TRMT11: variants seen among roughly 807,000 people sequenced by gnomAD.
The protein encoded by TRMT11 is tRNA (guanine(10)-N(2))-methyltransferase TRMT11.
TRMT11 carries 53 observed loss-of-function variants against 62.8 expected under a neutral mutation model. That is an observed-to-expected ratio of 0.84 (90% CI 0.68 to 1.06). The LOEUF is 1.06. TRMT11 is among the 50% of genes least tolerant of loss of function. The pLI is 0.00. For missense variants in TRMT11, 556 were observed against 553.4 expected (o/e 1.00, Z -0.05); for synonymous variants, 188 against 190.3 (o/e 0.99, Z 0.10).
intron 21 of TRMT11, among the ~76,000 whole-genome samples, chr6:126,128,915 ATTTT>A (rs36071656): frequency 7.7e-6 from 1 of 130,464 alleles, no homozygotes. Context: ...TTGTTTTCTG[ATTTT>A]TTTTTTTTTT....
rs958898724 is a variant in TRMT11, at chr6:126,064,121, C to T, written c.*1437+10931C>T. On this transcript the variant is annotated intron_variant and NMD_transcript_variant, in intron 17 of 22. Coordinates refer to the TRMT11 transcript ENST00000648977. ...AGGAGAAGTTAGGAGAATGGTGGGT[C>T]GTGAGCACTGGGGGAGGGAGGGAGA... 4.7e-5 allele frequency among the ~76,000 whole-genome samples: 7 copies of T among 149,912 alleles called. No individual in the cohort carries two copies. The South Asian group carries it at 6.4e-4, about 14-fold the overall frequency.
intron 17 of TRMT11, among the ~76,000 whole-genome samples, chr6:126,065,953 C>T (rs17053763): frequency 0.029 from 4,370 of 152,216 alleles, 215 homozygotes; most frequent in African/African-American, 0.098. Context: ...TATAGAAAAC[C>T]GGAGCTCAAA....
chr6:126,072,720 G>A (rs559624708), intron 17 of TRMT11, among the ~76,000 whole-genome samples: 3 of 152,128 alleles, frequency 2.0e-5, no homozygotes, highest in Non-Finnish European at 4.4e-5. Context: ...AGCAGATCTG[G>A]TTTATGGTGA....
At chr6:126,234,163 T>A in the TRMT11 span, among the ~76,000 whole-genome samples, 2 of 152,184 alleles carry the variant, frequency 1.3e-5, no homozygotes, top group African/African-American at 4.8e-5. Flanking sequence ...CCTTTGTCTT[T>A]AATTCTGTCA....
chr6:126,037,338 A>G (rs1775381416), intron 12 of TRMT11, among the ~76,000 whole-genome samples: 1 of 152,096 alleles, frequency 6.6e-6, no homozygotes, highest in Admixed American at 6.6e-5. Context: ...TCGTACATAT[A>G]AAGCATTTAG....
rs116139573 is a variant in TRMT11 at position 126,079,623 on chromosome 6, C to T, written c.*1437+26433C>T. On this transcript the variant is annotated intron_variant and NMD_transcript_variant, in intron 17 of 22. Coordinates refer to the TRMT11 transcript ENST00000648977. ...AACTACCTATTGAGTACTGTGCTCA[C>T]GACCTGGGTGAAGGAATCATTTGTA... Among the ~76,000 whole-genome samples, 843 of 152,118 alleles carry T rather than the reference C, an allele frequency of 5.5e-3. 6 individuals carry two copies. Among genetic ancestry groups the T allele is most frequent in the African/African-American group, 0.019 (771 of 41,512 alleles).
At chr6:126,237,775 T>A in the TRMT11 span, among the ~76,000 whole-genome samples, 1 of 152,228 alleles carries the variant, frequency 6.6e-6, no homozygotes, top group Non-Finnish European at 1.5e-5. Context: ...GAAGATTATC[T>A]GCTCAAATAA....
At chr6:126,036,835 T>C (rs953608509) in intron 12 of TRMT11, among the ~76,000 whole-genome samples, 41 of 152,086 alleles carry the variant, frequency 2.7e-4, no homozygotes, top group Non-Finnish European at 5.4e-4. Flanking sequence ...TGGTGGAACA[T>C]TGTTCTGTGT....
chr6:126,188,384 T>G (rs1778550974), intron 1 of TRMT11, among the ~76,000 whole-genome samples: 1 of 151,982 alleles, frequency 6.6e-6, no homozygotes, highest in Admixed American at 6.6e-5. Context: ...TAAAAATGGA[T>G]TCAACATCAT....
chr6:126,066,887 C>T (rs908372892), intron 17 of TRMT11, among the ~76,000 whole-genome samples: 15 of 150,320 alleles, frequency 1.0e-4, no homozygotes, highest in Admixed American at 2.0e-4. Flanking sequence ...TTAATGGCTG[C>T]AATGCTGGGC....
upstream of TRMT11, among the ~76,000 whole-genome samples, chr6:126,175,885 A>T (rs1442159141): frequency 6.6e-6 from 1 of 152,212 alleles, no homozygotes; most frequent in African/African-American, 2.4e-5. Context: ...CCTGAAAATG[A>T]TTTAACTATA....
At chr6:126,069,092 A>T (rs146967345) in intron 17 of TRMT11, among the ~76,000 whole-genome samples, 69 of 152,374 alleles carry the variant, frequency 4.5e-4, no homozygotes, top group Non-Finnish European at 8.5e-4. Context: ...ATGAAGCCCC[A>T]AACAATACCA....
At chr6:126,028,961 T>C (rs1000898332) in intron 12 of TRMT11, among the ~76,000 whole-genome samples, 2 of 152,184 alleles carry the variant, frequency 1.3e-5, no homozygotes, top group Admixed American at 6.5e-5. Flanking sequence ...ATAAGAATCT[T>C]AGGCATAGGT....
intron 7 of TRMT11, 119 bp from the exon 8 acceptor site, chr6:126,008,273 C>G (rs911909924): frequency 1.2e-6 from 1 of 858,258 alleles, no homozygotes; most frequent in South Asian, 1.4e-5. Flanking sequence ...ATGTTACGAC[C>G]AATGTCATTC....
At chr6:126,119,695 A>G (rs907969749) in intron 21 of TRMT11, among the ~76,000 whole-genome samples, 3 of 152,068 alleles carry the variant, frequency 2.0e-5, no homozygotes, top group Admixed American at 6.6e-5. Context: ...TCCTATGAAC[A>G]TTATAGAAGT....
intron 21 of TRMT11, among the ~76,000 whole-genome samples, chr6:126,147,329 T>C (rs1473366770): frequency 2.6e-5 from 4 of 152,206 alleles, no homozygotes; most frequent in African/African-American, 9.6e-5. Context: ...ATAATAAACA[T>C]GCTCATGATG....
intron 17 of TRMT11, among the ~76,000 whole-genome samples, chr6:126,076,120 G>A (rs1777015889): frequency 6.6e-6 from 1 of 151,388 alleles, no homozygotes; most frequent in Non-Finnish European, 1.5e-5. Flanking sequence ...GGGGTTGGGG[G>A]TGGGAGGTAG....
intron 21 of TRMT11, among the ~76,000 whole-genome samples, chr6:126,159,828 A>C (rs1242661226): frequency 1.3e-5 from 2 of 151,970 alleles, no homozygotes; most frequent in East Asian, 3.9e-4. Flanking sequence ...CTCACATAGC[A>C]TTCTCCCTGT....
chr6:126,139,514 G>T (rs759687479), intron 21 of TRMT11, among the ~76,000 whole-genome samples: 25 of 151,840 alleles, frequency 1.6e-4, no homozygotes, highest in Non-Finnish European at 3.4e-4. Context: ...GATTACAGGC[G>T]CCTGCTACCA....
Sources: allele counts gnomAD v4.1 joint callset (sites outside exome capture counted in the v4.1 genomes callset), GRCh38; gene constraint gnomAD v4.1.1; transcripts MANE v1.5; gene names NCBI Gene and HGNC (gene_info 2026-07-23, HGNC 2026-07-21).